ABHD18: variants seen among roughly 807,000 people sequenced by gnomAD.
ABHD18 encodes the protein cardiolipin-specific deacylase, mitochondrial.
A neutral mutation model predicts 65.9 loss-of-function variants in ABHD18; 55 were observed. That is an observed-to-expected ratio of 0.84 (90% confidence interval 0.67 to 1.05). The LOEUF is 1.05. Among genes scored for constraint, ABHD18 ranks in the 50% least tolerant of loss-of-function variants. The probability of loss-of-function intolerance (pLI) is 0.00; values close to 1 mark genes in which losing one functional copy is unlikely to be tolerated. For missense variants in ABHD18, 533 were observed against 558.5 expected, an observed-to-expected ratio of 0.95 and a Z score of 0.46; for synonymous variants, 181 against 180.2, an observed-to-expected ratio of 1.00 and a Z score of -0.04.
intron 7 of ABHD18, among the ~76,000 whole-genome samples, chr4:128,012,804 A>C (rs1754794999): frequency 6.6e-6 from 1 of 151,878 alleles, no homozygotes; most frequent in Non-Finnish European, 1.5e-5. Context: ...AGTGGCTCAC[A>C]CATGTAATCC....
chr4:127,996,733 A>G (rs1156729186), intron 4 of ABHD18, among the ~76,000 whole-genome samples: 1 of 152,178 alleles, frequency 6.6e-6, no homozygotes, highest in Admixed American at 6.5e-5. Flanking sequence ...ACACTCCCAG[A>G]GCAGCTGTCT....
At position 128,018,789 on chromosome 4, in the gene ABHD18, A is replaced by G. The variant is rs573389884; in HGVS notation, c.609+1288A>G. ...AGCACTTTGGGAGGCCGAGGCGGGCAGATCACCTGAGGTCAGGAGTTCAAG... is the reference window on the plus strand; with the variant it reads ...AGCACTTTGGGAGGCCGAGGCGGGCGGATCACCTGAGGTCAGGAGTTCAAG... On this transcript the variant is annotated intron_variant, in intron 8 of 12. Coordinates refer to ENST00000645843, the MANE Select transcript of ABHD18 (RefSeq NM_001358451.3). Among the ~76,000 whole-genome samples the G allele has an allele frequency of 9.2e-5, 14 of 152,172 alleles. No homozygotes were observed. The South Asian group carries it at 2.5e-3, about 27-fold the overall frequency.
chr4:127,982,569 G>T (rs188625843), intron 1 of ABHD18, among the ~76,000 whole-genome samples: 1 of 152,246 alleles, frequency 6.6e-6, no homozygotes, highest in East Asian at 1.9e-4. Flanking sequence ...TTGTTGGTAG[G>T]TTTAATGAGA....
chr4:127,986,847 G>A (rs1487915483), intron 3 of ABHD18, among the ~76,000 whole-genome samples: 2 of 152,158 alleles, frequency 1.3e-5, no homozygotes, highest in Non-Finnish European at 2.9e-5. Context: ...CTTCTTTGGA[G>A]AACTGTCTTT....
intron 1 of ABHD18, among the ~76,000 whole-genome samples, chr4:127,966,966 G>T (rs1745697150): frequency 6.6e-6 from 1 of 151,574 alleles, no homozygotes; most frequent in South Asian, 2.1e-4. Flanking sequence ...TTTGTACTTG[G>T]ATTCAGTCTT....
chr4:127,970,052 A>ATTT (rs940685749), intron 1 of ABHD18, among the ~76,000 whole-genome samples: 2 of 145,198 alleles, frequency 1.4e-5, no homozygotes, highest in African/African-American at 5.0e-5. Context: ...CCTGGCCAGG[A>ATTT]TTTTTTTTTT....
At chr4:128,023,696 C>T (rs1265630978) in intron 10 of ABHD18, among the ~76,000 whole-genome samples, 5 of 151,778 alleles carry the variant, frequency 3.3e-5, no homozygotes, top group East Asian at 1.9e-4. Context: ...TTGGCCAATA[C>T]GGTGAAACCC....
chr4:127,980,165 T>G (rs1748759413), intron 1 of ABHD18, among the ~76,000 whole-genome samples: 1 of 152,202 alleles, frequency 6.6e-6, no homozygotes. Flanking sequence ...TATGAGGGCT[T>G]TATCCTCATG....
intron 8 of ABHD18, among the ~76,000 whole-genome samples, chr4:128,018,836 A>G (rs1184498218): frequency 6.6e-6 from 1 of 151,978 alleles, no homozygotes; most frequent in Non-Finnish European, 1.5e-5. Flanking sequence ...CAACATGGTG[A>G]AACCCCGTCT....
rs1277260723 is a variant in ABHD18 at position 128,030,498 on chromosome 4, T to C, written c.1181-12T>C. On this transcript the variant is annotated splice_polypyrimidine_tract_variant and intron_variant, in intron 11 of 12. Transcript: ENST00000645843. ...TGTGTATATGTTGAATTTTTAAAAA[T>C]CCTATACCTAGTCCCAGTTGATCCA... is the stretch of plus-strand genomic sequence containing the variant. 3.3e-6 allele frequency: 5 copies of C among 1,509,640 alleles called. No individual in the cohort carries two copies. The highest frequency in any genetic ancestry group is 4.4e-6 in the Non-Finnish European group (5 of 1,135,228). The allele number at this position is 1,509,640 out of a possible 1,614,324, so 93.5% of individuals were successfully genotyped here. A position where few individuals can be genotyped will look rare whatever the true frequency, so the allele number is the denominator to read the frequency against.
rs1300564921 is a variant in ABHD18, at chr4:128,008,340, C to CGGCTCACT, written c.279-578_279-571dup. Reference sequence around the variant, plus strand: ...AGGCTGGAGTGCAGTGGCACAATCTCGGCTCACTGCAACCTCTGCCTCCCG... The same window carrying CGGCTCACT: ...AGGCTGGAGTGCAGTGGCACAATCTCGGCTCACTGGCTCACTGCAACCTCTGCCTCCCG... On this transcript the variant is annotated intron_variant, in intron 4 of 12. Transcript: ENST00000645843. Among the ~76,000 whole-genome samples the CGGCTCACT allele has an allele frequency of 1.2e-4, 17 of 136,044 alleles. No individual in the cohort carries two copies. The East Asian group carries it at 4.3e-3, about 34-fold the overall frequency. The allele number at this position is 136,044 out of a possible 152,430, so 89.3% of individuals were successfully genotyped here.
chr4:128,018,447 A>G (rs1293470177), intron 8 of ABHD18, among the ~76,000 whole-genome samples: 1 of 152,114 alleles, frequency 6.6e-6, no homozygotes, highest in African/African-American at 2.4e-5. Flanking sequence ...GCAACATAGT[A>G]GTAAGACCCA....
At chr4:128,007,374 T>G in intron 4 of ABHD18, among the ~76,000 whole-genome samples, 1 of 112,172 alleles carries the variant, frequency 8.9e-6, no homozygotes, top group Non-Finnish European at 1.9e-5. Flanking sequence ...TCCACCAGAG[T>G]AAAACAAAGA....
intron 1 of ABHD18, among the ~76,000 whole-genome samples, chr4:127,974,234 G>A (rs1747458222): frequency 9.0e-6 from 1 of 110,898 alleles, no homozygotes; most frequent in Non-Finnish European, 1.7e-5. Flanking sequence ...GTCTTACTCT[G>A]TCGCCCACGC....
At chr4:127,965,648 T>C (rs1469260940) in intron 1 of ABHD18, 42 bp downstream of exon 1, 3 of 182,362 alleles carry the variant, frequency 1.6e-5, no homozygotes, top group East Asian at 1.5e-4. Flanking sequence ...CGCTAAGAGC[T>C]CCCCGCGCCT....
At position 128,039,721 on chromosome 4, in the gene ABHD18, C is replaced by T. The variant is rs952496307; in HGVS notation, c.*3908C>T. 2.0e-5 allele frequency: 3 copies of T among 151,584 alleles called. No homozygotes were observed. The highest frequency in any genetic ancestry group is 6.6e-5 in the Admixed American group (1 of 15,208). 9.4% of individuals were successfully genotyped at this position (151,584 alleles called of 1,614,324 possible). On this transcript the variant is annotated 3_prime_UTR_variant, in exon 13 of 13. Transcript: ENST00000645843. The stretch of plus-strand genomic sequence containing the variant: ...CTATTTAAAAAGCTAATCATTTGTG[C>T]TTTTTTTCAAGAGGTATTATTGTAA...
intron 1 of ABHD18, among the ~76,000 whole-genome samples, chr4:127,976,351 C>T (rs1473000942): frequency 6.6e-6 from 1 of 151,070 alleles, no homozygotes; most frequent in Non-Finnish European, 1.5e-5. Context: ...ATTAAGCAAA[C>T]GCCCAAGAAA....
chr4:128,026,542 C>T (rs540560709), intron 10 of ABHD18, among the ~76,000 whole-genome samples: 178 of 151,600 alleles, frequency 1.2e-3, no homozygotes, highest in African/African-American at 4.1e-3. Context: ...GGGTTCTGGG[C>T]TTTCAAAAAA....
chr4:128,033,518 GAT>G (rs553252743), intron 12 of ABHD18, among the ~76,000 whole-genome samples: 108 of 139,976 alleles, frequency 7.7e-4, no homozygotes, highest in African/African-American at 2.7e-3. Flanking sequence ...CAGTTTCAAA[GAT>G]AGTCTTTTTT....
Sources: gnomAD v4.1 joint callset for allele counts (sites outside exome capture counted in the v4.1 genomes callset) on GRCh38, gnomAD v4.1.1 for gene constraint, MANE v1.5 for transcripts, NCBI Gene and HGNC (gene_info 2026-07-23, HGNC 2026-07-21) for gene names.